Variants in DENND1A observed in about 807,000 individuals in gnomAD.
The protein encoded by DENND1A is DENN domain containing 1A.
Under a neutral mutation model 113.7 loss-of-function variants are expected in DENND1A, and 51 were observed. The ratio of observed to expected loss-of-function variants is 0.45; its 90% CI spans 0.36 to 0.57. The LOEUF (loss-of-function observed/expected upper bound fraction) is 0.57, where lower values mean the gene tolerates loss of function less well. Among genes scored for constraint, DENND1A ranks in the 20% least tolerant of loss-of-function variants. The pLI is 0.00. For missense variants in DENND1A, 1,258 were observed against 1,395.9 expected (o/e 0.90, Z 1.57); for synonymous variants, 565 against 570.8 (o/e 0.99, Z 0.14).
chr9:123,516,656 G>C (rs574767024), intron 13 of DENND1A, among the ~76,000 whole-genome samples: 4 of 152,120 alleles, frequency 2.6e-5, no homozygotes, highest in African/African-American at 9.6e-5. Context: ...GAGAGGCCAA[G>C]GTGGGCAGAT....
intron 5 of DENND1A, among the ~76,000 whole-genome samples, chr9:123,687,763 A>T (rs901522470): frequency 6.6e-6 from 1 of 152,234 alleles, no homozygotes; most frequent in Admixed American, 6.5e-5. Context: ...CAAGGCAAGC[A>T]GCCCTTCTTC....
chr9:123,424,358 C>T (rs1428719678), intron 19 of DENND1A, among the ~76,000 whole-genome samples: 2 of 152,190 alleles, frequency 1.3e-5, no homozygotes, highest in Non-Finnish European at 2.9e-5. Context: ...TCAGCTTCAA[C>T]AGTTCCCACG....
In DENND1A at chr9:123,647,433, C is replaced by T. The variant is rs188626862; in HGVS notation, c.618+4580G>A. ...CTGCAAAGGCGTATTTATTATTTGA[C>T]CCTTTATAGCAAAATGTGTTAGTTC... On this transcript the variant is annotated intron_variant, in intron 9 of 23. Transcript: ENST00000394215. Among the ~76,000 whole-genome samples, 193 of 152,292 alleles carry T rather than the reference C, an allele frequency of 1.3e-3. 3 individuals carry two copies. The highest frequency in any genetic ancestry group is 0.01 in the Middle Eastern group (3 of 294).
rs761360081 is a variant in DENND1A at position 123,381,428 on chromosome 9, C to A, written c.*4G>T. 3.7e-6 allele frequency: 6 copies of A among 1,612,668 alleles called. No individual in the cohort carries two copies. In the East Asian group the frequency reaches 1.3e-4, roughly 36 times the overall value. On this transcript the variant is annotated 3_prime_UTR_variant, in exon 24 of 24. Coordinates refer to ENST00000394215, the MANE Select transcript of DENND1A (RefSeq NM_001352964.2). The surrounding 1 kb of genome is among the most constrained non-coding windows in gnomAD (Gnocchi z 4.7). ...CGGTGCATCCCCCACCCTCAGGGCCCGGCTCACTCGAAGGTCTCCCACTGC... is the reference window on the plus strand; with the variant it reads ...CGGTGCATCCCCCACCCTCAGGGCCAGGCTCACTCGAAGGTCTCCCACTGC...
At chr9:123,893,778 T>C (rs1358975396) in intron 1 of DENND1A, among the ~76,000 whole-genome samples, 1 of 152,268 alleles carries the variant, frequency 6.6e-6, no homozygotes, top group Non-Finnish European at 1.5e-5. Flanking sequence ...AGCCCAGGTC[T>C]GTTCTTACTT....
chr9:123,407,196 C>T (rs1195195693), intron 20 of DENND1A, among the ~76,000 whole-genome samples: 1 of 151,646 alleles, frequency 6.6e-6, no homozygotes, highest in Non-Finnish European at 1.5e-5. Context: ...GAGCTGGAGC[C>T]TCGGAGGCTG....
In DENND1A at chr9:123,792,617, C is replaced by G; in HGVS notation, c.102G>C (p.Gln34His). 6.2e-7 allele frequency: 1 copy of G among 1,613,096 alleles called. No individual in the cohort carries two copies. The highest frequency in any genetic ancestry group is 8.5e-7 in the Non-Finnish European group (1 of 1,179,434). The change falls in exon 3 of 24, where the codon CAG (glutamine) becomes CAC (histidine). Residue 34 changes from glutamine (Q) to histidine (H), a missense_variant. Transcript: ENST00000394215. The stretch of plus-strand genomic sequence containing the variant: ...CACTGTAGTCCTCCGGGAATTGCCT[C>G]TGCACCTCAGGATCTGTAAATAATT... ...TGGTLSDPEV[Q>H]RQFPEDYSDQ...
At chr9:123,499,865 C>G (rs1021159849) in intron 13 of DENND1A, among the ~76,000 whole-genome samples, 1 of 152,206 alleles carries the variant, frequency 6.6e-6, no homozygotes, top group Non-Finnish European at 1.5e-5. Context: ...CCTGTCTATG[C>G]GCACCTGGCA....
intron 13 of DENND1A, among the ~76,000 whole-genome samples, chr9:123,496,730 C>T (rs1431864289): frequency 6.6e-6 from 1 of 152,190 alleles, no homozygotes; most frequent in Non-Finnish European, 1.5e-5. Context: ...GCATTCAGGA[C>T]TGTGATAAAA....
rs35576813 is a variant in DENND1A, at chr9:123,746,391, G to GA, written c.302+11311dup. ...TATAAATCCATGTTTTAAAAAGATT[G>GA]AAAAAAAATCAAAGTATAGCACCAA... On this transcript the variant is annotated intron_variant, in intron 5 of 23. Coordinates refer to ENST00000394215, the MANE Select transcript of DENND1A (RefSeq NM_001352964.2). Among the ~76,000 whole-genome samples, 5 of 151,584 alleles carry GA rather than the reference G, an allele frequency of 3.3e-5. No homozygotes were observed. The East Asian group carries it at 5.8e-4, about 18-fold the overall frequency.
At chr9:123,669,486 C>G (rs1258615472) in intron 7 of DENND1A, among the ~76,000 whole-genome samples, 1 of 152,232 alleles carries the variant, frequency 6.6e-6, no homozygotes, top group African/African-American at 2.4e-5. Context: ...TGGCATGAAA[C>G]AGCTGCGCCA....
intron 13 of DENND1A, among the ~76,000 whole-genome samples, chr9:123,496,024 A>G (rs2051886977): frequency 6.6e-6 from 1 of 152,270 alleles, no homozygotes. Context: ...ATCAAACTTC[A>G]GTCTCTGAAC....
intron 8 of DENND1A, among the ~76,000 whole-genome samples, chr9:123,652,870 G>C: frequency 6.6e-6 from 1 of 152,002 alleles, no homozygotes; most frequent in East Asian, 1.9e-4. Flanking sequence ...CTTTTAATTA[G>C]TACTATAGAT....
At chr9:123,911,417 T>C (rs1396579603) in intron 1 of DENND1A, among the ~76,000 whole-genome samples, 1 of 152,194 alleles carries the variant, frequency 6.6e-6, no homozygotes, top group Non-Finnish European at 1.5e-5. Flanking sequence ...CAATCCTGGG[T>C]ATAAACCTAA....
intron 17 of DENND1A, among the ~76,000 whole-genome samples, chr9:123,451,673 G>C (rs1255777039): frequency 6.6e-6 from 1 of 152,086 alleles, no homozygotes; most frequent in Admixed American, 6.6e-5. Flanking sequence ...CATGCTTCCG[G>C]GTCTCAGAAA....
At chr9:123,817,356 C>T (rs536120467) in intron 2 of DENND1A, among the ~76,000 whole-genome samples, 3 of 152,244 alleles carry the variant, frequency 2.0e-5, no homozygotes, top group Non-Finnish European at 4.4e-5. Context: ...ATGTGTTGGT[C>T]CACACGCCGG....
At chr9:123,871,752 T>G (rs1035989834) in intron 2 of DENND1A, among the ~76,000 whole-genome samples, 4 of 143,256 alleles carry the variant, frequency 2.8e-5, no homozygotes, top group Non-Finnish European at 4.6e-5. Flanking sequence ...TTTTAAAAAG[T>G]GGCCATTGGG....
chr9:123,498,831 TC>T (rs978312442), intron 13 of DENND1A, among the ~76,000 whole-genome samples: 1 of 152,024 alleles, frequency 6.6e-6, no homozygotes, highest in African/African-American at 2.4e-5. Flanking sequence ...AAAGTGATTC[TC>T]CCACCTCAGC....
At chr9:123,639,231 A>G (rs959824580) in intron 9 of DENND1A, among the ~76,000 whole-genome samples, 1 of 151,802 alleles carries the variant, frequency 6.6e-6, no homozygotes, top group African/African-American at 2.4e-5. Context: ...TCAGGTCAGG[A>G]GTTCGAGACC....
Sources: gnomAD v4.1 joint callset for allele counts (sites outside exome capture counted in the v4.1 genomes callset) on GRCh38, gnomAD v4.1.1 for gene constraint, Gnocchi (gnomAD v3.1) non-coding constraint, MANE v1.5 for transcripts, NCBI Gene and HGNC (gene_info 2026-07-23, HGNC 2026-07-21) for gene names.